PLSCR2: variants seen among roughly 807,000 people sequenced by gnomAD.
The protein encoded by PLSCR2 is phospholipid scramblase 2, also known as PL scramblase 2.
PLSCR2 carries 18 observed loss-of-function variants against 25.3 expected under a neutral mutation model. The ratio of observed to expected loss-of-function variants is 0.71; its 90% CI spans 0.49 to 1.06. PLSCR2 has a LOEUF of 1.06. PLSCR2 is among the 50% of genes least tolerant of loss of function. PLSCR2 has a pLI of 0.00. For missense variants in PLSCR2, 243 were observed against 269.5 expected (o/e 0.90, Z 0.69); for synonymous variants, 88 against 87.3 (o/e 1.01, Z -0.04).
intron 1 of PLSCR2, among the ~76,000 whole-genome samples, chr3:146,472,449 G>C (rs896561026): frequency 7.2e-5 from 11 of 152,260 alleles, no homozygotes; most frequent in Middle Eastern, 3.4e-3. Context: ...ACAACAGAAA[G>C]TTATTTCTCA....
intron 8 of PLSCR2, among the ~76,000 whole-genome samples, chr3:146,435,294 G>A (rs1244299915): frequency 1.3e-5 from 2 of 152,140 alleles, no homozygotes; most frequent in African/African-American, 4.8e-5. Context: ...CCCAGTAATG[G>A]GATGGCTGGG....
intron 2 of PLSCR2, among the ~76,000 whole-genome samples, chr3:146,416,942 G>A (rs562036984): frequency 1.8e-4 from 28 of 152,232 alleles, no homozygotes; most frequent in African/African-American, 6.3e-4. Flanking sequence ...AGAATCATTT[G>A]AAATGGCTGG....
At chr3:146,449,273 C>A in exon 6 of PLSCR2, 1 of 1,612,626 alleles carries the variant, frequency 6.2e-7, no homozygotes, top group Non-Finnish European at 8.5e-7. Context: ...GAATTGGATT[C>A]CAAAGTTGTC....
At chr3:146,484,798 T>C (rs1368369908) in intron 1 of PLSCR2, among the ~76,000 whole-genome samples, 2 of 151,850 alleles carry the variant, frequency 1.3e-5, no homozygotes, top group African/African-American at 4.8e-5. Context: ...AAGCACTAAA[T>C]ATGACATGGA....
At chr3:146,406,311 G>A (rs530534796) in intron 2 of PLSCR2, among the ~76,000 whole-genome samples, 1 of 152,052 alleles carries the variant, frequency 6.6e-6, no homozygotes, top group Non-Finnish European at 1.5e-5. Flanking sequence ...CCTTTTTTCT[G>A]CACCTTTGGA....
chr3:146,412,289 A>G (rs2038879484), intron 2 of PLSCR2, among the ~76,000 whole-genome samples: 1 of 152,112 alleles, frequency 6.6e-6, no homozygotes, highest in Admixed American at 6.5e-5. Context: ...TCCACTGAGC[A>G]TTGCCCTAGT....
chr3:146,449,631 AAT>A (rs3835184), intron 5 of PLSCR2, among the ~76,000 whole-genome samples: 14,020 of 152,122 alleles, frequency 0.092, 881 homozygotes, highest in African/African-American at 0.18. Flanking sequence ...GATAGACATT[AAT>A]ATATGTTTTA....
downstream of PLSCR2, among the ~76,000 whole-genome samples, chr3:146,440,009 T>C (rs12489924): frequency 0.22 from 33,370 of 152,166 alleles, 4,024 homozygotes; most frequent in Admixed American, 0.33. Flanking sequence ...GACCTTTACC[T>C]GCAGGTCTGT....
At chr3:146,495,966 A>G (rs1045473633), upstream of PLSCR2, 4 of 1,506,370 alleles carry the variant, frequency 2.7e-6, no homozygotes, top group African/African-American at 2.8e-5. Flanking sequence ...AATTATTGCT[A>G]GGAAGAATCT....
intron 2 of PLSCR2, among the ~76,000 whole-genome samples, chr3:146,401,742 T>C (rs887959779): frequency 2.0e-5 from 3 of 152,104 alleles, no homozygotes; most frequent in Non-Finnish European, 4.4e-5. Context: ...ATAGGCTAGG[T>C]ACTCTCTGGA....
At chr3:146,394,883 G>A (rs543893885) in intron 3 of PLSCR2, among the ~76,000 whole-genome samples, 1 of 152,182 alleles carries the variant, frequency 6.6e-6, no homozygotes, top group Non-Finnish European at 1.5e-5. Flanking sequence ...TAGCCAGTGA[G>A]TTCTCAGGAG....
Position 146,475,360 on chromosome 3 carries a change from G to T in PLSCR2, c.-292-15076C>A, listed in dbSNP as rs562054079. Among the ~76,000 whole-genome samples the T allele has an allele frequency of 2.0e-5, 3 of 151,766 alleles. No individual in the cohort carries two copies. The East Asian group carries it at 5.8e-4, about 29-fold the overall frequency. ...ATTTTGTGGGGGCCATTTTTGCGGG[G>T]GTCATTTTTGTTGTTGTCAGGTTCC... On this transcript the variant is annotated intron_variant, in intron 1 of 8. Transcript: ENST00000336685.
At chr3:146,487,336 A>C (rs2043382573) in intron 1 of PLSCR2, among the ~76,000 whole-genome samples, 1 of 152,130 alleles carries the variant, frequency 6.6e-6, no homozygotes, top group Non-Finnish European at 1.5e-5. Context: ...CAAGAGATAG[A>C]AATAAAGGGT....
In PLSCR2 at chr3:146,482,776, G is replaced by A. The variant is rs922662880; in HGVS notation, c.-293+13119C>T. 5.3e-5 allele frequency among the ~76,000 whole-genome samples: 8 copies of A among 152,080 alleles called. No individual in the cohort carries two copies. In the East Asian group the frequency reaches 7.7e-4, roughly 15 times the overall value. ...GGCTGCTATAAAGACACATGAACACGTATATTTATTGCAGCACTATTCACA... is the reference window on the plus strand; with the variant it reads ...GGCTGCTATAAAGACACATGAACACATATATTTATTGCAGCACTATTCACA... On this transcript the variant is annotated intron_variant, in intron 1 of 8. Coordinates refer to the PLSCR2 transcript ENST00000336685.
chr3:146,438,371 G>T (rs1370634466), downstream of PLSCR2, among the ~76,000 whole-genome samples: 1 of 152,108 alleles, frequency 6.6e-6, no homozygotes, highest in Non-Finnish European at 1.5e-5. Context: ...GTTGACAGTG[G>T]GGTGTTAAAG....
intron 5 of PLSCR2, 107 bp from the exon 6 acceptor site, chr3:146,449,474 C>G: frequency 1.4e-6 from 1 of 701,576 alleles, no homozygotes; most frequent in Non-Finnish European, 2.4e-6. Flanking sequence ...CATTTATGCA[C>G]CATACATGAG....
intron 2 of PLSCR2, among the ~76,000 whole-genome samples, chr3:146,400,864 T>C (rs888351390): frequency 6.6e-5 from 10 of 152,008 alleles, no homozygotes; most frequent in Admixed American, 6.6e-4. Flanking sequence ...AACATATACA[T>C]TGGCAATTCA....
chr3:146,402,757 C>T (rs548690903), intron 2 of PLSCR2, among the ~76,000 whole-genome samples: 17 of 152,176 alleles, frequency 1.1e-4, no homozygotes, highest in East Asian at 7.7e-4. Context: ...CATGAGCCAC[C>T]GTGCCCAGCC....
rs1221380471 is a variant in PLSCR2, at chr3:146,423,502, A to C, written c.101-27581T>G. Among the ~76,000 whole-genome samples, 5 of 151,976 alleles carry C rather than the reference A, an allele frequency of 3.3e-5. No individual in the cohort carries two copies. In the East Asian group the frequency reaches 9.6e-4, roughly 29 times the overall value. ...TACAAGTCACATAAAGTAGTCATTC[A>C]TTTGGTCCACACAAAAAAATATTCA... On this transcript the variant is annotated intron_variant and NMD_transcript_variant, in intron 2 of 3. Coordinates refer to the PLSCR2 transcript ENST00000463633.
Sources: gnomAD v4.1 joint callset for allele counts (sites outside exome capture counted in the v4.1 genomes callset) on GRCh38, gnomAD v4.1.1 for gene constraint, MANE v1.5 for transcripts, NCBI Gene and HGNC (gene_info 2026-07-23, HGNC 2026-07-21) for gene names.